The following PCM1 variants were observed in gnomAD, a reference collection of about 807,000 sequenced individuals.
The protein encoded by PCM1 is pericentriolar material 1, also known as pericentriolar material 1 protein.
Under a neutral mutation model 241.9 loss-of-function variants are expected in PCM1, and 157 were observed. The observed-to-expected ratio is 0.65, with a 90% CI of 0.57 to 0.74. PCM1 has a LOEUF of 0.74. Among genes scored for constraint, PCM1 ranks in the 30% least tolerant of loss-of-function variants. PCM1 has a pLI of 0.00. For synonymous variants in PCM1, 1,085 were observed against 784.9 expected (o/e 1.38, Z -6.39); for missense variants, 3,478 against 2,360.1 (o/e 1.47, Z -9.81).
chr8:17,953,151 A>G lies in PCM1; in HGVS notation c.1253A>G (p.His418Arg). The change falls in exon 9 of 39, where the codon CAT becomes CGT. Residue 418 changes from histidine to arginine, a missense_variant. His to Arg is a conservative substitution (Grantham distance 29). Transcript: ENST00000325083. ...ATGGACAAATTGCTTGGAGAACTTC[A>G]TACACTTCGAGATCAGCATCTTAAC... ...QKMDKLLGEL[H>R]TLRDQHLNNS... 6.3e-7 allele frequency: 1 copy of G among 1,581,552 alleles called. No individual in the cohort carries two copies. The highest frequency in any genetic ancestry group is 8.6e-7 in the Non-Finnish European group (1 of 1,162,160).
At chr8:17,999,753 TG>T (rs2088547928) in intron 29 of PCM1, among the ~76,000 whole-genome samples, 1 of 152,130 alleles carries the variant, frequency 6.6e-6, no homozygotes, top group Admixed American at 6.5e-5. Context: ...GTGCTTTTTT[TG>T]TGTGTAGTTG....
intron 31 of PCM1, 52 bp downstream of exon 31, chr8:18,009,796 C>G: frequency 9.0e-7 from 1 of 1,105,616 alleles, no homozygotes; most frequent in Non-Finnish European, 1.2e-6. Context: ...AAATACAGTT[C>G]TTGATCATTA....
intron 6 of PCM1, among the ~76,000 whole-genome samples, chr8:17,943,318 T>C (rs913601313): frequency 7.2e-5 from 11 of 152,062 alleles, no homozygotes; most frequent in African/African-American, 2.7e-4. Flanking sequence ...GGGAATCTTA[T>C]TATATCAAAT....
chr8:18,027,551 A>G, intron 38 of PCM1, 86 bp from the exon 39 acceptor site: 1 of 887,320 alleles, frequency 1.1e-6, no homozygotes, highest in Non-Finnish European at 1.7e-6. Flanking sequence ...GTTATATTAA[A>G]AGTAAAAGCT....
chr8:17,972,745 A>T (rs2077252316), intron 23 of PCM1, 58 bp downstream of exon 23: 2 of 1,003,342 alleles, frequency 2.0e-6, no homozygotes, highest in African/African-American at 3.3e-5. Flanking sequence ...TCTTACTTTG[A>T]CATGTTGACA....
chr8:17,963,000 T>G, intron 16 of PCM1, 101 bp from the exon 17 acceptor site: 1 of 748,912 alleles, frequency 1.3e-6, no homozygotes, highest in African/African-American at 1.8e-5. Flanking sequence ...AGAATGAGAA[T>G]AGAAACCTTT....
At chr8:17,941,113 G>C (rs543613048) in intron 6 of PCM1, among the ~76,000 whole-genome samples, 1 of 152,286 alleles carries the variant, frequency 6.6e-6, no homozygotes, top group Admixed American at 6.5e-5. Context: ...TACTTAGAGA[G>C]CCTGATCCAA....
At chr8:17,927,949 A>C (rs1428534648) in intron 2 of PCM1, 1 of 151,528 alleles carries the variant, frequency 6.6e-6, no homozygotes, top group Non-Finnish European at 1.5e-5. Context: ...AAAAAAAAAA[A>C]AAAAACCACT....
chr8:17,964,813 G>A lies in PCM1; in HGVS notation c.2855+45G>A, dbSNP rs761833489. ...TTTTGTGCTTAATTTAAGAGGCTCA[G>A]GTCTTTTTGACTGACAGCAAGCACT... On this transcript the variant is annotated intron_variant, in intron 18 of 38. Coordinates refer to ENST00000325083, the MANE Select transcript of PCM1 (RefSeq NM_006197.4). 34 of 1,459,612 alleles carry A rather than the reference G, an allele frequency of 2.3e-5. 1 individual carries two copies. The Middle Eastern group carries it at 6.2e-4, about 27-fold the overall frequency. The allele number at this position is 1,459,612 out of a possible 1,614,324, so 90.4% of individuals were successfully genotyped here. A position where few individuals can be genotyped will look rare whatever the true frequency, so the allele number is the denominator to read the frequency against.
At position 17,969,557 on chromosome 8, in the gene PCM1, C is replaced by T; in HGVS notation, c.3413-20C>T. 7 of 1,505,906 alleles carry T rather than the reference C, an allele frequency of 4.6e-6. No homozygotes were observed. Among genetic ancestry groups the T allele is most frequent in the South Asian group, 2.6e-5 (2 of 78,102 alleles). 93.3% of individuals were successfully genotyped at this position (1,505,906 alleles called of 1,614,324 possible). A position where few individuals can be genotyped will look rare whatever the true frequency, so the allele number is the denominator to read the frequency against. On this transcript the variant is annotated intron_variant, in intron 21 of 38. Coordinates refer to ENST00000325083, the MANE Select transcript of PCM1 (RefSeq NM_006197.4). ...AGACATTTATTTATTTTTCTCTTAC[C>T]CATTGCTTTTACTGATTAGGTATGA...
At chr8:17,975,729 C>T (rs996166854) in intron 23 of PCM1, among the ~76,000 whole-genome samples, 1 of 152,128 alleles carries the variant, frequency 6.6e-6, no homozygotes, top group African/African-American at 2.4e-5. Flanking sequence ...GACATTCTTT[C>T]AGAAGTAGCT....
chr8:18,019,583 C>T (rs1441935352), intron 36 of PCM1, among the ~76,000 whole-genome samples: 2 of 152,122 alleles, frequency 1.3e-5, no homozygotes, highest in Non-Finnish European at 2.9e-5. Context: ...CAGCATCAGG[C>T]ATTAGAGTCT....
chr8:17,972,136 G>C (rs2077059933), intron 22 of PCM1, among the ~76,000 whole-genome samples, 193 bp from the exon 23 acceptor site: 1 of 152,172 alleles, frequency 6.6e-6, no homozygotes, highest in Admixed American at 6.5e-5. Flanking sequence ...GATGGGTCCA[G>C]AATTAAAACT....
At position 18,027,656 on chromosome 8, in the gene PCM1, T is replaced by A. The variant is rs2094333811; in HGVS notation, c.6069T>A (p.Ser2023Arg). The change falls in exon 39 of 39, where the codon AGT becomes AGA. Residue 2023 changes from serine (S) to arginine (R), a missense_variant. By Grantham distance (110) the Ser-to-Arg change is moderately radical. Transcript: ENST00000325083. Reference protein sequence around the residue: ...LKEPETVGAQSI With the variant: ...LKEPETVGAQRI The stretch of plus-strand genomic sequence containing the variant: ...TTTCAGAAACGGTGGGAGCCCAGAG[T>A]ATATGAGATGTCTTCAGAGGCTCAT... 6.3e-7 allele frequency: 1 copy of A among 1,587,400 alleles called. No homozygotes were observed. Among genetic ancestry groups the A allele is most frequent in the African/African-American group, 1.3e-5 (1 of 74,596 alleles).
intron 26 of PCM1, among the ~76,000 whole-genome samples, chr8:17,987,107 A>T (rs2082860624): frequency 6.6e-6 from 1 of 151,844 alleles, no homozygotes; most frequent in Admixed American, 6.6e-5. Flanking sequence ...TAGTACTATA[A>T]CATAAACCTG....
At chr8:18,011,953 A>G (rs760533964) in intron 34 of PCM1, 126 bp downstream of exon 34, 2 of 796,986 alleles carry the variant, frequency 2.5e-6, no homozygotes. Context: ...TGCAAGCCTC[A>G]TTAATATGCT....
At position 18,014,793 on chromosome 8, in the gene PCM1, C is replaced by T. The variant is rs200471860; in HGVS notation, c.5794C>T (p.Leu1932=). ...TGCTCAGGAAACTCCTGAAAGCTCT[C>T]TGGCTGGAAGTCCTGATACTGAATC... The part of the protein sequence containing the change: ...KSAQETPESS[L]AGSPDTESPV... Residue 1932 remains leucine (L), a synonymous_variant, in exon 36 of 39, where the codon CTG becomes TTG. Coordinates refer to ENST00000325083, the MANE Select transcript of PCM1 (RefSeq NM_006197.4). 6.2e-7 allele frequency: 1 copy of T among 1,606,380 alleles called. No homozygotes were observed. The highest frequency in any genetic ancestry group is 1.3e-5 in the African/African-American group (1 of 75,050).
chr8:17,964,545 G>A (rs370280970), intron 17 of PCM1, 23 bp from the exon 18 acceptor site: 5 of 1,589,364 alleles, frequency 3.1e-6, no homozygotes, highest in African/African-American at 1.3e-5. Context: ...AATGACATCT[G>A]TTTTATGTCT....
intron 2 of PCM1, among the ~76,000 whole-genome samples, chr8:17,933,712 T>A (rs1585726341): frequency 6.6e-6 from 1 of 152,262 alleles, no homozygotes; most frequent in South Asian, 2.1e-4. Flanking sequence ...ATTTTGACGT[T>A]CTCTAGATTT....
Sources: allele counts gnomAD v4.1 joint callset (sites outside exome capture counted in the v4.1 genomes callset), GRCh38; gene constraint gnomAD v4.1.1; transcripts MANE v1.5; gene names NCBI Gene and HGNC (gene_info 2026-07-23, HGNC 2026-07-21).